The following YPEL2 variants were observed in gnomAD, a reference collection of about 807,000 sequenced individuals.
YPEL2 encodes protein yippee-like 2.
YPEL2 carries 2 observed loss-of-function variants against 19.1 expected under a neutral mutation model. That is an observed-to-expected ratio of 0.10 (90% CI 0.04 to 0.33). The LOEUF (loss-of-function observed/expected upper bound fraction) is 0.33. YPEL2 is among the 10% of genes least tolerant of loss of function. The pLI is 1.00. For synonymous variants in YPEL2, 52 were observed against 50.0 expected (o/e 1.04, Z -0.17); for missense variants, 66 against 140.7 (o/e 0.47, Z 2.68).
intron 4 of YPEL2, among the ~76,000 whole-genome samples, chr17:59,392,221 G>A (rs150130681): frequency 6.6e-6 from 1 of 152,322 alleles, no homozygotes; most frequent in African/African-American, 2.4e-5. Flanking sequence ...GAAGATACAT[G>A]ATAAGCCTGA....
At chr17:59,351,460 A>G (rs964555467) in intron 1 of YPEL2, among the ~76,000 whole-genome samples, 13 of 152,202 alleles carry the variant, frequency 8.5e-5, no homozygotes, top group East Asian at 3.9e-4. Context: ...TCTATCTGTA[A>G]CACTCTGGCA....
At chr17:59,349,821 C>G (rs552277368) in intron 1 of YPEL2, among the ~76,000 whole-genome samples, 1 of 151,522 alleles carries the variant, frequency 6.6e-6, no homozygotes, top group East Asian at 2.0e-4. Flanking sequence ...CCACCATGCC[C>G]GGCTAATTTT....
chr17:59,378,931 G>A (rs12600623), intron 2 of YPEL2, among the ~76,000 whole-genome samples: 99,185 of 151,996 alleles, frequency 0.65, 33,981 homozygotes, highest in African/African-American at 0.87. Context: ...CTAGACAGGT[G>A]TGTGACAGTC....
intron 2 of YPEL2, among the ~76,000 whole-genome samples, chr17:59,359,360 A>T (rs374266454): frequency 5.7e-4 from 87 of 152,224 alleles, no homozygotes; most frequent in African/African-American, 1.9e-3. Flanking sequence ...TTTTCTCTAG[A>T]TGTCTGGAAA....
At chr17:59,384,412 A>T (rs1026443390) in intron 2 of YPEL2, among the ~76,000 whole-genome samples, 47 of 152,214 alleles carry the variant, frequency 3.1e-4, no homozygotes, top group Non-Finnish European at 3.2e-4. Flanking sequence ...TATGCAAAAC[A>T]TTGCAAAGAC....
chr17:59,366,700 AT>A (rs1372089300), intron 2 of YPEL2, among the ~76,000 whole-genome samples: 2 of 152,122 alleles, frequency 1.3e-5, no homozygotes, highest in Non-Finnish European at 2.9e-5. Context: ...TCCCCTTCAG[AT>A]GCCAAATGTT....
chr17:59,347,906 G>A (rs1467144844), intron 1 of YPEL2, among the ~76,000 whole-genome samples: 1 of 152,152 alleles, frequency 6.6e-6, no homozygotes, highest in Non-Finnish European at 1.5e-5. Flanking sequence ...TGAACTCTCA[G>A]GCCTTCTCCT....
chr17:59,353,664 C>A lies in YPEL2; in HGVS notation c.117+138C>A. 1 of 736,652 alleles carries A rather than the reference C, an allele frequency of 1.4e-6. No individual in the cohort carries two copies. The highest frequency in any genetic ancestry group is 2.5e-6 in the Non-Finnish European group (1 of 407,106). The allele number at this position is 736,652 out of a possible 1,614,324, so 45.6% of individuals were successfully genotyped here. On this transcript the variant is annotated intron_variant, in intron 2 of 4. Coordinates refer to ENST00000312655, the MANE Select transcript of YPEL2 (RefSeq NM_001005404.4). This position sits in a 1 kb window ranked among gnomAD's most constrained non-coding sequence, Gnocchi z 4.8. ...GGAGGGCTGACCCACGTGACCGTCTCACTCAACTGAGAAAAACTCTGAGTT... is the reference window on the plus strand; with the variant it reads ...GGAGGGCTGACCCACGTGACCGTCTAACTCAACTGAGAAAAACTCTGAGTT...
intron 2 of YPEL2, chr17:59,356,046 C>G (rs1212259247): frequency 1.3e-5 from 2 of 152,168 alleles, no homozygotes; most frequent in Non-Finnish European, 2.9e-5. Flanking sequence ...ATGGAAAGAT[C>G]ATTGCCCCAG....
chr17:59,360,793 A>G (rs1349427931), intron 2 of YPEL2, among the ~76,000 whole-genome samples: 2 of 151,804 alleles, frequency 1.3e-5, no homozygotes, highest in Non-Finnish European at 2.9e-5. Flanking sequence ...CAGAGATTGA[A>G]CCCGTTCAGG....
At chr17:59,363,556 A>T (rs902804751) in intron 2 of YPEL2, among the ~76,000 whole-genome samples, 2 of 151,678 alleles carry the variant, frequency 1.3e-5, no homozygotes, top group African/African-American at 2.4e-5. Context: ...CAAGTGATCC[A>T]CCTGCCTCAG....
intron 1 of YPEL2, among the ~76,000 whole-genome samples, chr17:59,350,851 C>A (rs1290452844): frequency 3.3e-5 from 5 of 152,160 alleles, no homozygotes; most frequent in African/African-American, 1.2e-4. Context: ...AGCCTGGCAG[C>A]CAGGGTCATT....
At chr17:59,383,744 TACTA>T (rs1460079541) in intron 2 of YPEL2, among the ~76,000 whole-genome samples, 2 of 147,896 alleles carry the variant, frequency 1.4e-5, no homozygotes, top group Admixed American at 6.8e-5. Context: ...CCATATCTCT[TACTA>T]ACTCTTATAG....
chr17:59,343,799 T>C (rs2047742963), intron 1 of YPEL2, among the ~76,000 whole-genome samples: 1 of 151,956 alleles, frequency 6.6e-6, no homozygotes, highest in Non-Finnish European at 1.5e-5. Context: ...AATGTGAAAG[T>C]GTGTGATCAG....
intron 2 of YPEL2, among the ~76,000 whole-genome samples, chr17:59,360,730 T>C (rs1039024707): frequency 1.1e-4 from 10 of 88,832 alleles, no homozygotes; most frequent in African/African-American, 6.2e-4. Flanking sequence ...AAGAAACTAT[T>C]TGGGGCTCGT....
intron 2 of YPEL2, among the ~76,000 whole-genome samples, chr17:59,377,261 A>G (rs2047926782): frequency 6.6e-6 from 1 of 152,204 alleles, no homozygotes; most frequent in Non-Finnish European, 1.5e-5. Context: ...AATTTATATT[A>G]TCCTTTTTAA....
At chr17:59,337,357 T>C (rs942661872) in intron 1 of YPEL2, among the ~76,000 whole-genome samples, 1 of 151,686 alleles carries the variant, frequency 6.6e-6, no homozygotes, top group East Asian at 1.9e-4. Context: ...CCGGCTAATT[T>C]TTTTTGTATT....
chr17:59,376,971 A>C (rs1042649690), intron 2 of YPEL2, among the ~76,000 whole-genome samples: 18 of 150,082 alleles, frequency 1.2e-4, no homozygotes, highest in Non-Finnish European at 1.2e-4. Flanking sequence ...AAAAAAAAAA[A>C]AAAACAAAGA....
At chr17:59,348,246 G>A (rs1044542483) in intron 1 of YPEL2, among the ~76,000 whole-genome samples, 2 of 152,196 alleles carry the variant, frequency 1.3e-5, no homozygotes, top group Admixed American at 1.3e-4. Flanking sequence ...CATGCCTTGG[G>A]GCCAGCCTTG....
Sources: gnomAD v4.1 joint callset for allele counts (sites outside exome capture counted in the v4.1 genomes callset) on GRCh38, gnomAD v4.1.1 for gene constraint, Gnocchi (gnomAD v3.1) non-coding constraint, MANE v1.5 for transcripts, NCBI Gene and HGNC (gene_info 2026-07-23, HGNC 2026-07-21) for gene names.